Variants in DPYD observed in about 807,000 individuals in gnomAD.
The protein encoded by DPYD is dihydropyrimidine dehydrogenase.
DPYD carries 109 observed loss-of-function variants against 116.2 expected under a neutral mutation model. That is an observed-to-expected ratio of 0.94 (90% CI 0.80 to 1.10). DPYD has a LOEUF of 1.10. Among genes scored for constraint, DPYD ranks in the 50% least tolerant of loss-of-function variants. The pLI, the probability that DPYD is intolerant of heterozygous loss-of-function variation, is 0.00. For synonymous variants in DPYD, 440 were observed against 432.0 expected (o/e 1.02, Z -0.23); for missense variants, 1,302 against 1,254.5 (o/e 1.04, Z -0.57).
intron 5 of DPYD, chr1:97,719,928 T>C (rs1459857505): frequency 1.7e-5 from 17 of 984,872 alleles, no homozygotes; most frequent in Non-Finnish European, 1.9e-5. Context: ...CATTAGGTGA[T>C]ACTTATGGCA....
At chr1:97,513,673 T>C (rs1647978254) in intron 13 of DPYD, among the ~76,000 whole-genome samples, 1 of 151,840 alleles carries the variant, frequency 6.6e-6, no homozygotes, top group South Asian at 2.1e-4. Context: ...AATATTTTAA[T>C]AGACGTCTTT....
chr1:97,720,855 G>A (rs927425311), intron 5 of DPYD: 9 of 1,605,568 alleles, frequency 5.6e-6, no homozygotes, highest in Non-Finnish European at 7.7e-6. Flanking sequence ...GGAGACGTCA[G>A]AGAGCCCAAG....
chr1:97,604,975 C>T (rs1655493523), intron 8 of DPYD, among the ~76,000 whole-genome samples: 1 of 152,014 alleles, frequency 6.6e-6, no homozygotes, highest in Admixed American at 6.6e-5. Context: ...CTCCTAGGAT[C>T]CTGTGACTCA....
chr1:97,883,505 G>A (rs768811868), intron 1 of DPYD, 131 bp from the exon 2 acceptor site: 10 of 713,732 alleles, frequency 1.4e-5, no homozygotes, highest in Non-Finnish European at 1.9e-5. Flanking sequence ...GGAGTGCAGT[G>A]GTACAATCTC....
chr1:97,562,433 T>C (rs188415745), intron 11 of DPYD, among the ~76,000 whole-genome samples: 2 of 152,064 alleles, frequency 1.3e-5, no homozygotes, highest in African/African-American at 2.4e-5. Flanking sequence ...CACATACTTG[T>C]ATGGAAAAAA....
intron 3 of DPYD, among the ~76,000 whole-genome samples, chr1:97,799,650 G>A (rs1218809672): frequency 1.3e-5 from 2 of 151,824 alleles, no homozygotes; most frequent in Non-Finnish European, 2.9e-5. Flanking sequence ...CTTTCACTGA[G>A]AATACTTTAA....
intron 16 of DPYD, among the ~76,000 whole-genome samples, chr1:97,308,928 C>G (rs541651265): frequency 1.3e-5 from 2 of 151,732 alleles, no homozygotes; most frequent in Admixed American, 1.3e-4. Flanking sequence ...AGAAGGAAAA[C>G]AAAAAACAAT....
intron 21 of DPYD, among the ~76,000 whole-genome samples, chr1:97,094,222 G>A (rs1405863048): frequency 6.6e-6 from 1 of 152,042 alleles, no homozygotes. Context: ...TGGGTCTGAA[G>A]GTTATGCTAA....
intron 3 of DPYD, among the ~76,000 whole-genome samples, chr1:97,819,395 A>C (rs1284337638): frequency 6.6e-6 from 1 of 151,982 alleles, no homozygotes; most frequent in Non-Finnish European, 1.5e-5. Context: ...TCAAGTAGTT[A>C]AAATATACCC....
chr1:97,329,613 C>A (rs1249457846), intron 16 of DPYD, among the ~76,000 whole-genome samples: 2 of 150,894 alleles, frequency 1.3e-5, no homozygotes, highest in Admixed American at 1.3e-4. Context: ...ATTAGCTGGG[C>A]ATGGTGGTGT....
intron 14 of DPYD, among the ~76,000 whole-genome samples, chr1:97,393,938 T>A (rs528369324): frequency 1.6e-3 from 239 of 152,234 alleles, no homozygotes; most frequent in Non-Finnish European, 2.7e-3. Context: ...TTTCTCCATA[T>A]CCTCTCCAGC....
chr1:97,292,024 T>A (rs1220811352), intron 18 of DPYD, among the ~76,000 whole-genome samples: 1 of 152,182 alleles, frequency 6.6e-6, no homozygotes, highest in Non-Finnish European at 1.5e-5. Flanking sequence ...CATTAGGTTT[T>A]ATTTTTTTTC....
intron 12 of DPYD, among the ~76,000 whole-genome samples, chr1:97,533,808 G>T (rs933179588): frequency 6.6e-6 from 1 of 152,162 alleles, no homozygotes; most frequent in South Asian, 2.1e-4. Context: ...AGAGTGTGAA[G>T]AGAAAACCAG....
chr1:97,313,996 T>C (rs1447409838), intron 16 of DPYD, among the ~76,000 whole-genome samples: 1 of 151,966 alleles, frequency 6.6e-6, no homozygotes, highest in East Asian at 1.9e-4. Flanking sequence ...ACAAAACATT[T>C]GCATCTCCTC....
intron 13 of DPYD, among the ~76,000 whole-genome samples, chr1:97,493,596 T>C (rs1360799486): frequency 1.3e-5 from 2 of 151,934 alleles, no homozygotes; most frequent in Non-Finnish European, 2.9e-5. Flanking sequence ...TCATGGGATG[T>C]AAAACATCTT....
chr1:97,433,629 G>A (rs1455969818), intron 14 of DPYD, among the ~76,000 whole-genome samples: 1 of 152,164 alleles, frequency 6.6e-6, no homozygotes, highest in Non-Finnish European at 1.5e-5. Flanking sequence ...ACTAGAAGCA[G>A]AAGTCCTGCC....
At chr1:97,626,873 A>G (rs1362307994) in intron 8 of DPYD, among the ~76,000 whole-genome samples, 4 of 152,090 alleles carry the variant, frequency 2.6e-5, no homozygotes, top group Non-Finnish European at 5.9e-5. Context: ...CCACAAGGGA[A>G]CTAACTAGAG....
chr1:97,826,032 C>CTCTG (rs1553247383), intron 3 of DPYD, among the ~76,000 whole-genome samples: 2 of 151,182 alleles, frequency 1.3e-5, no homozygotes, highest in Non-Finnish European at 1.5e-5. Context: ...TAATGTGTGT[C>CTCTG]TGTGTGTGTG....
At chr1:97,409,660 C>T (rs139984341) in intron 14 of DPYD, among the ~76,000 whole-genome samples, 2 of 152,164 alleles carry the variant, frequency 1.3e-5, no homozygotes, top group Non-Finnish European at 2.9e-5. Flanking sequence ...CACTGTGAAA[C>T]ATGTTGCATA....
Sources: gnomAD v4.1 joint callset for allele counts (sites outside exome capture counted in the v4.1 genomes callset) on GRCh38, gnomAD v4.1.1 for gene constraint, MANE v1.5 for transcripts, NCBI Gene and HGNC (gene_info 2026-07-23, HGNC 2026-07-21) for gene names.